DNAH14: variants seen among roughly 807,000 people sequenced by gnomAD.
DNAH14 encodes axonemal beta dynein heavy chain 14.
DNAH14 carries 478 observed loss-of-function variants against 520.9 expected under a neutral mutation model. The observed-to-expected ratio is 0.92, with a 90% confidence interval of 0.85 to 0.99. The LOEUF is 0.99. Ranked by LOEUF, DNAH14 falls within the 50% of genes least tolerant of loss-of-function variation. The probability of loss-of-function intolerance (pLI) is 0.00; values close to 1 mark genes in which losing one functional copy is unlikely to be tolerated. For missense variants in DNAH14, 4,831 were observed against 5,234.5 expected, an observed-to-expected ratio of 0.92 and a Z score of 2.38; for synonymous variants, 1,581 against 1,757.2, an observed-to-expected ratio of 0.90 and a Z score of 2.51.
chr1:225,020,176 C>A (rs376095350), intron 10 of DNAH14, among the ~76,000 whole-genome samples: 1 of 151,574 alleles, frequency 6.6e-6, no homozygotes, highest in Non-Finnish European at 1.5e-5. Flanking sequence ...ACAAAGGTGG[C>A]ATCATAACTG....
At chr1:225,063,293 C>T (rs2070421100) in intron 17 of DNAH14, among the ~76,000 whole-genome samples, 1 of 152,096 alleles carries the variant, frequency 6.6e-6, no homozygotes, top group South Asian at 2.1e-4. Flanking sequence ...TGCACATCCT[C>T]CTGTATACTT....
chr1:225,164,592 GT>G (rs1179598820), intron 35 of DNAH14, among the ~76,000 whole-genome samples: 2 of 152,010 alleles, frequency 1.3e-5, no homozygotes, highest in Non-Finnish European at 2.9e-5. Flanking sequence ...TCACTATGGG[GT>G]AGATCGAGTT....
chr1:225,147,386 G>T, intron 31 of DNAH14, 137 bp downstream of exon 31: 3 of 809,976 alleles, frequency 3.7e-6, no homozygotes, highest in Non-Finnish European at 3.5e-6. Context: ...CATACCAAAA[G>T]GAATGGCAGT....
rs1227023876 is a variant in DNAH14 at position 225,289,914 on chromosome 1, A to C, written c.8301A>C (p.Thr2767=). ...GAATAGATGGATGTGGGAAAAAAAC[A>C]TGTGCAACCTTGGCCTGTTATTTGA... ...LIGIDGCGKK[T]CATLACYLTD... The change falls in exon 55 of 86, where the codon ACA becomes ACC. Residue 2767 remains threonine (T), a synonymous_variant. Transcript: ENST00000682510. The C allele has an allele frequency of 2.1e-6, 3 of 1,451,658 alleles. No homozygotes were observed. The South Asian group carries it at 4.6e-5, about 22-fold the overall frequency. 89.9% of individuals were successfully genotyped at this position (1,451,658 alleles called of 1,614,324 possible). A position where few individuals can be genotyped will look rare whatever the true frequency, so the allele number is the denominator to read the frequency against.
chr1:225,022,154 A>G (rs2065756260), intron 10 of DNAH14, among the ~76,000 whole-genome samples: 1 of 152,208 alleles, frequency 6.6e-6, no homozygotes, highest in African/African-American at 2.4e-5. Context: ...AAACCCTAGA[A>G]GAAAACCTAG....
chr1:225,183,079 G>T (rs1348441958), intron 36 of DNAH14, among the ~76,000 whole-genome samples: 1 of 152,216 alleles, frequency 6.6e-6, no homozygotes, highest in Non-Finnish European at 1.5e-5. Flanking sequence ...CTTAGGAGAG[G>T]AAAGTATGCA....
At chr1:225,008,586 T>C (rs1030997601) in intron 10 of DNAH14, among the ~76,000 whole-genome samples, 5 of 146,226 alleles carry the variant, frequency 3.4e-5, no homozygotes, top group Non-Finnish European at 7.5e-5. Flanking sequence ...TTTTTTTTTT[T>C]TTTTTTTTTT....
At chr1:225,381,124 G>A (rs552141098) in intron 80 of DNAH14, among the ~76,000 whole-genome samples, 8 of 152,314 alleles carry the variant, frequency 5.3e-5, no homozygotes, top group Non-Finnish European at 1.0e-4. Flanking sequence ...ACTTACTCAT[G>A]ACATATTGTC....
intron 78 of DNAH14, among the ~76,000 whole-genome samples, chr1:225,376,331 G>A (rs144578043): frequency 0.034 from 5,219 of 152,168 alleles, 129 homozygotes; most frequent in Middle Eastern, 0.061. Context: ...GGAGGCTGAG[G>A]CATGAGAATC....
intron 10 of DNAH14, among the ~76,000 whole-genome samples, chr1:225,008,571 CT>C (rs2064389339): frequency 7.7e-6 from 1 of 130,154 alleles, no homozygotes; most frequent in Non-Finnish European, 1.6e-5. Flanking sequence ...CTGTTTTTTC[CT>C]GACTTTTTTT....
intron 64 of DNAH14, among the ~76,000 whole-genome samples, chr1:225,328,453 T>G (rs984001146): frequency 2.6e-5 from 4 of 152,166 alleles, no homozygotes; most frequent in Non-Finnish European, 4.4e-5. Context: ...CCAATTAATA[T>G]ACTTAAAATG....
intron 52 of DNAH14, among the ~76,000 whole-genome samples, chr1:225,274,305 C>T (rs965585042): frequency 2.0e-5 from 3 of 149,828 alleles, no homozygotes; most frequent in Non-Finnish European, 4.4e-5. Flanking sequence ...TCCGGGTTCA[C>T]GCCATTCTCC....
At chr1:225,339,315 AAAT>A (rs573031049) in intron 68 of DNAH14, among the ~76,000 whole-genome samples, 122 of 152,230 alleles carry the variant, frequency 8.0e-4, no homozygotes, top group Non-Finnish European at 1.6e-3. Flanking sequence ...CTGTCTGAAA[AAAT>A]AATAATAATA....
At position 225,346,021 on chromosome 1, in the gene DNAH14, A is replaced by T. The variant is rs2095280991; in HGVS notation, c.10738A>T (p.Asn3580Tyr). 2 of 1,551,628 alleles carry T rather than the reference A, an allele frequency of 1.3e-6. No homozygotes were observed. The highest frequency in any genetic ancestry group is 1.7e-6 in the Non-Finnish European group (2 of 1,146,970). ...CTTAAGAAAATCCAAAATGACATCA[A>T]ACGAAATTTCAAAGCGCATCGAAGC... is the stretch of plus-strand genomic sequence containing the variant. ...DTLRKSKMTS[N>Y]EISKRIEATK... is the part of the protein sequence containing the mutation. Residue 3580 changes from asparagine (N) to tyrosine (Y), a missense_variant, in exon 70 of 86, where the codon AAC becomes TAC. Physicochemically the swap from Asn to Tyr is moderately radical, Grantham distance 143. Transcript: ENST00000682510.
intron 8 of DNAH14, among the ~76,000 whole-genome samples, chr1:224,980,653 A>G (rs2125692907): frequency 6.6e-6 from 1 of 152,318 alleles, no homozygotes; most frequent in East Asian, 1.9e-4. Flanking sequence ...GTAGCCAGGT[A>G]GTGGTTACAA....
chr1:225,363,907 G>A (rs2095522715), intron 75 of DNAH14, among the ~76,000 whole-genome samples: 2 of 152,180 alleles, frequency 1.3e-5, no homozygotes, highest in African/African-American at 4.8e-5. Context: ...GTACGAGTCA[G>A]CAATACCTTA....
At chr1:224,932,402 A>T (rs1668788295) in intron 1 of DNAH14, among the ~76,000 whole-genome samples, 1 of 152,068 alleles carries the variant, frequency 6.6e-6, no homozygotes, top group African/African-American at 2.4e-5. Flanking sequence ...CCTATTGAAC[A>T]GGCTGTTTTT....
chr1:225,350,058 T>C (rs983580284), intron 71 of DNAH14, among the ~76,000 whole-genome samples: 2 of 152,050 alleles, frequency 1.3e-5, no homozygotes, highest in Non-Finnish European at 2.9e-5. Flanking sequence ...ATAAAACAAG[T>C]CTTAACAAAT....
intron 20 of DNAH14, among the ~76,000 whole-genome samples, chr1:225,084,885 C>T (rs993414939): frequency 3.3e-5 from 4 of 120,982 alleles, no homozygotes; most frequent in Admixed American, 1.7e-4. Flanking sequence ...GCATTAGGCA[C>T]GAACTTTGAT....
Sources: gnomAD v4.1 joint callset for allele counts (sites outside exome capture counted in the v4.1 genomes callset) on GRCh38, gnomAD v4.1.1 for gene constraint, MANE v1.5 for transcripts, NCBI Gene and HGNC (gene_info 2026-07-23, HGNC 2026-07-21) for gene names.